ZCCHC4: variants seen among roughly 807,000 people sequenced by gnomAD.
The protein encoded by ZCCHC4 is zinc finger CCHC-type containing 4.
In ZCCHC4, 54 loss-of-function variants were observed where a neutral mutation model predicts 67.7. The ratio of observed to expected loss-of-function variants is 0.80; its 90% confidence interval spans 0.64 to 1.00. The LOEUF (loss-of-function observed/expected upper bound fraction) is 1.00. Ranked by LOEUF, ZCCHC4 falls within the 50% of genes least tolerant of loss-of-function variation. ZCCHC4 has a pLI of 0.00. For missense variants in ZCCHC4, 609 were observed against 617.0 expected (o/e 0.99, Z 0.14); for synonymous variants, 198 against 213.5 (o/e 0.93, Z 0.63).
chr4:25,355,636 G>C (rs316777), intron 8 of ZCCHC4, among the ~76,000 whole-genome samples: 130,815 of 152,208 alleles, frequency 0.86, 56,249 homozygotes, highest in African/African-American at 0.88. Context: ...TGTTAGGACA[G>C]TATGTTTTTC....
intron 12 of ZCCHC4, chr4:25,366,153 T>C: frequency 1.3e-5 from 13 of 983,884 alleles, no homozygotes; most frequent in Non-Finnish European, 1.6e-5. Flanking sequence ...TTGTGGTCAG[T>C]GAAAATTTTT....
chr4:25,312,981 T>C (rs1279635548), intron 1 of ZCCHC4, 45 bp downstream of exon 1: 11 of 1,602,642 alleles, frequency 6.9e-6, no homozygotes, highest in Non-Finnish European at 9.3e-6. Flanking sequence ...GCGCTGAGGG[T>C]GTGAGTTGGC....
At chr4:25,358,785 T>C (rs1720611408) in intron 8 of ZCCHC4, among the ~76,000 whole-genome samples, 1 of 152,228 alleles carries the variant, frequency 6.6e-6, no homozygotes, top group African/African-American at 2.4e-5. Flanking sequence ...CGTGCTTGGC[T>C]TGGAGCCACT....
chr4:25,355,102 A>G (rs1720468238), intron 8 of ZCCHC4, among the ~76,000 whole-genome samples: 1 of 152,190 alleles, frequency 6.6e-6, no homozygotes, highest in South Asian at 2.1e-4. Flanking sequence ...ATGAATACAG[A>G]ATAAAACAGT....
intron 3 of ZCCHC4, among the ~76,000 whole-genome samples, chr4:25,328,602 G>A (rs1719013797): frequency 6.6e-6 from 1 of 151,626 alleles, no homozygotes; most frequent in Non-Finnish European, 1.5e-5. Flanking sequence ...TTTGTTTAGA[G>A]AAAGGATCTT....
intron 8 of ZCCHC4, among the ~76,000 whole-genome samples, chr4:25,354,724 C>T (rs1441858937): frequency 1.3e-5 from 2 of 151,916 alleles, no homozygotes; most frequent in Non-Finnish European, 2.9e-5. Flanking sequence ...TCTCGAACTC[C>T]TGGGCTGAAG....
intron 7 of ZCCHC4, among the ~76,000 whole-genome samples, chr4:25,351,154 A>G (rs1277521737): frequency 1.3e-5 from 2 of 152,220 alleles, no homozygotes; most frequent in Admixed American, 1.3e-4. Context: ...CATGATGCAG[A>G]CAAGGTTGAT....
intron 5 of ZCCHC4, 71 bp downstream of exon 5, chr4:25,334,059 T>A: frequency 9.4e-7 from 1 of 1,062,136 alleles, no homozygotes; most frequent in Non-Finnish European, 1.3e-6. Flanking sequence ...TGTTTTTAAT[T>A]GTTTATACTC....
rs200069247 is a variant in ZCCHC4 at position 25,312,910 on chromosome 4, C to G, written c.101C>G (p.Ala34Gly). 927 of 1,612,676 alleles carry G rather than the reference C, an allele frequency of 5.7e-4. 3 individuals are homozygous for G. The African/African-American group carries it at 0.011, about 19-fold the overall frequency. ...GAGGTGGTGCTTCCTTTGGATCCTG[C>G]CGTCCCCGCCCCGCTGTGCCCTCAC... ...GMEVVLPLDPAVPAPLCPHGP... is the reference protein window; with the variant it reads ...GMEVVLPLDPGVPAPLCPHGP... Residue 34 changes from alanine to glycine, a missense_variant, in exon 1 of 13, where the codon GCC becomes GGC. Ala to Gly is a moderately conservative substitution (Grantham distance 60, BLOSUM62 0). Coordinates refer to ENST00000302874, the MANE Select transcript of ZCCHC4 (RefSeq NM_024936.3).
At chr4:25,352,494 T>A (rs1577346755) in intron 8 of ZCCHC4, 1 of 707,718 alleles carries the variant, frequency 1.4e-6, no homozygotes, top group African/African-American at 1.9e-5. Context: ...CTGCAACCTC[T>A]GCTTCCCAGG....
At chr4:25,352,511 C>T (rs1177816593) in intron 8 of ZCCHC4, 9 of 563,694 alleles carry the variant, frequency 1.6e-5, no homozygotes, top group Non-Finnish European at 1.8e-5. Flanking sequence ...CAGGTTCAAG[C>T]GATTCTTCTG....
rs538990389 is a variant in ZCCHC4, at chr4:25,350,006, A to G, written c.910+364A>G. 1.7e-3 allele frequency among the ~76,000 whole-genome samples: 264 copies of G among 152,266 alleles called. 1 individual carries two copies. Among genetic ancestry groups the G allele is most frequent in the African/African-American group, 6.3e-3 (260 of 41,552 alleles). Reference sequence around the variant, plus strand: ...ATAGATTTTTGAACAAAGCCGACACATACCTCTGCCCTGTGGATCATACAT... The same window carrying G: ...ATAGATTTTTGAACAAAGCCGACACGTACCTCTGCCCTGTGGATCATACAT... On this transcript the variant is annotated intron_variant, in intron 7 of 12. Coordinates refer to ENST00000302874, the MANE Select transcript of ZCCHC4 (RefSeq NM_024936.3).
Position 25,361,812 on chromosome 4 carries a change from A to G in ZCCHC4, c.1012-47A>G. On this transcript the variant is annotated intron_variant, in intron 8 of 12. Transcript: ENST00000302874. ...TATTGGTTAAAGAATCTTAATGTTG[A>G]CTAATTTGAGTAAATTTTCTTTCTG... 2.6e-6 allele frequency: 4 copies of G among 1,537,666 alleles called. No individual in the cohort carries two copies. The African/African-American group carries it at 4.1e-5, about 16-fold the overall frequency.
At chr4:25,317,936 C>A (rs1718358328) in intron 3 of ZCCHC4, among the ~76,000 whole-genome samples, 2 of 151,924 alleles carry the variant, frequency 1.3e-5, no homozygotes, top group Admixed American at 6.6e-5. Context: ...AATGTAAAAG[C>A]AGATAGTAAT....
At position 25,362,300 on chromosome 4, in the gene ZCCHC4, A is replaced by C. The variant is rs1460436309; in HGVS notation, c.1208A>C (p.Lys403Thr). 6.3e-7 allele frequency: 1 copy of C among 1,589,800 alleles called. No homozygotes were observed. The highest frequency in any genetic ancestry group is 8.6e-7 in the Non-Finnish European group (1 of 1,163,808). Residue 403 changes from lysine (K) to threonine (T), a missense_variant and splice_region_variant, in exon 10 of 13, where the codon AAG becomes ACG. Lys to Thr is a moderately conservative substitution (Grantham distance 78, BLOSUM62 -1). Transcript: ENST00000302874. The stretch of plus-strand genomic sequence containing the variant: ...GAGCTCTGTAATTCTTGCACATCCA[A>C]GGTATGGTGTTCTTATAGAATGTAT... ...HCELCNSCTS[K>T]DGRKWNHCFL...
rs565011331 is a variant in ZCCHC4, at chr4:25,314,134, CTG to C, written c.218_219del (p.Cys73Ter). On this transcript the variant is annotated frameshift_variant, in exon 2 of 13. Transcript: ENST00000302874. LOFTEE classifies it high-confidence loss of function. The part of the protein sequence containing the change: ...ACSACRDRKD[C>X]NFFQWEDEKL... ...GTTCAGCCTGTAGAGATAGAAAAGA[CTG>C]TAATTTTTTTCAGTGGGAAGATGAA... 102 of 1,603,026 alleles carry C rather than the reference CTG, an allele frequency of 6.4e-5. No individual in the cohort carries two copies. The highest frequency in any genetic ancestry group is 1.3e-4 in the East Asian group (6 of 44,782).
intron 3 of ZCCHC4, among the ~76,000 whole-genome samples, chr4:25,331,821 T>C (rs1719196783): frequency 1.3e-5 from 2 of 152,220 alleles, no homozygotes; most frequent in African/African-American, 4.8e-5. Flanking sequence ...ACAGTTATCA[T>C]AGAAATAGAA....
intron 6 of ZCCHC4, among the ~76,000 whole-genome samples, chr4:25,348,525 G>C (rs1304182997): frequency 6.6e-6 from 1 of 152,122 alleles, no homozygotes; most frequent in Non-Finnish European, 1.5e-5. Context: ...TACTGAGCAT[G>C]TACACTTTTT....
chr4:25,352,914 G>A (rs924963717), intron 8 of ZCCHC4, among the ~76,000 whole-genome samples: 1 of 152,190 alleles, frequency 6.6e-6, no homozygotes, highest in Non-Finnish European at 1.5e-5. Flanking sequence ...TACCAAAAAT[G>A]AGAGTAAAAG....
Sources: gnomAD v4.1 joint callset for allele counts (sites outside exome capture counted in the v4.1 genomes callset) on GRCh38, gnomAD v4.1.1 for gene constraint, MANE v1.5 for transcripts, NCBI Gene and HGNC (gene_info 2026-07-23, HGNC 2026-07-21) for gene names.